The following GRK3 variants were observed in gnomAD, a reference collection of about 807,000 sequenced individuals.
The protein encoded by GRK3 is adrenergic, beta, receptor kinase 2.
GRK3 carries 54 observed loss-of-function variants against 95.7 expected under a neutral mutation model. The observed-to-expected ratio is 0.56, with a 90% CI of 0.45 to 0.71. GRK3 has a LOEUF of 0.71. Ranked by LOEUF, GRK3 falls within the 30% of genes least tolerant of loss-of-function variation. The pLI is 0.00. For synonymous variants in GRK3, 281 were observed against 290.8 expected (o/e 0.97, Z 0.34); for missense variants, 649 against 851.2 (o/e 0.76, Z 2.96).
chr22:25,572,739 A>G (rs1254886552), intron 1 of GRK3, among the ~76,000 whole-genome samples: 1 of 152,216 alleles, frequency 6.6e-6, no homozygotes, highest in East Asian at 1.9e-4. Flanking sequence ...GAGTTGACTC[A>G]TTCTTTAGAG....
At chr22:25,613,953 C>T (rs2092184) in intron 2 of GRK3, among the ~76,000 whole-genome samples, 99 of 149,550 alleles carry the variant, frequency 6.6e-4, no homozygotes, top group African/African-American at 2.3e-3. Context: ...GGTTTTCCTT[C>T]TTAAAATTAT....
chr22:25,688,028 A>G (rs1217356778), intron 11 of GRK3, among the ~76,000 whole-genome samples: 1 of 152,158 alleles, frequency 6.6e-6, no homozygotes, highest in Admixed American at 6.5e-5. Flanking sequence ...CAAGGTCAGG[A>G]GATCAAGGCC....
intron 13 of GRK3, among the ~76,000 whole-genome samples, chr22:25,700,612 G>A (rs998414251): frequency 2.0e-5 from 3 of 152,098 alleles, no homozygotes; most frequent in South Asian, 2.1e-4. Context: ...ATTTGAGACG[G>A]CGTCTCGCTC....
chr22:25,587,522 A>G, intron 1 of GRK3, among the ~76,000 whole-genome samples: 1 of 152,064 alleles, frequency 6.6e-6, no homozygotes, highest in Non-Finnish European at 1.5e-5. Flanking sequence ...TCTGCCTCCC[A>G]GGCTTAAGCA....
In GRK3 at chr22:25,669,812, T is replaced by G. The variant is rs562573854; in HGVS notation, c.503+2012T>G. ...TTGTTTGTTAACCCTCCTCAGCTAG[T>G]TGTAAAATGTGTCAGATTTCCATCC... On this transcript the variant is annotated intron_variant, in intron 6 of 20. Transcript: ENST00000324198. 5.3e-5 allele frequency among the ~76,000 whole-genome samples: 8 copies of G among 152,316 alleles called. No individual in the cohort carries two copies. In the South Asian group the frequency reaches 1.0e-3, roughly 20 times the overall value.
chr22:25,714,254 G>T (rs1439377125), intron 17 of GRK3, among the ~76,000 whole-genome samples, 154 bp from the exon 18 acceptor site: 1 of 152,198 alleles, frequency 6.6e-6, no homozygotes, highest in Non-Finnish European at 1.5e-5. Flanking sequence ...AGAGATTTAT[G>T]ATAACTAAGA....
At chr22:25,615,778 G>A (rs929244243) in intron 2 of GRK3, among the ~76,000 whole-genome samples, 1 of 146,468 alleles carries the variant, frequency 6.8e-6, no homozygotes, top group African/African-American at 2.6e-5. Context: ...GAAGAGCTGC[G>A]AAGAGAGGCA....
intron 15 of GRK3, among the ~76,000 whole-genome samples, chr22:25,708,205 C>T (rs540477776): frequency 6.6e-6 from 1 of 152,234 alleles, no homozygotes; most frequent in Admixed American, 6.5e-5. Context: ...CGAGATGGCG[C>T]CACTGCACTC....
At chr22:25,573,258 A>T (rs184403749) in intron 1 of GRK3, among the ~76,000 whole-genome samples, 260 of 152,362 alleles carry the variant, frequency 1.7e-3, no homozygotes, top group South Asian at 5.6e-3. Flanking sequence ...AAATTTATGA[A>T]GACCAAAAAG....
intron 3 of GRK3, among the ~76,000 whole-genome samples, chr22:25,645,451 C>G (rs1208842057): frequency 1.3e-5 from 2 of 152,184 alleles, no homozygotes; most frequent in East Asian, 1.9e-4. Flanking sequence ...AAAAATAACA[C>G]TAGAGGAGCC....
intron 1 of GRK3, among the ~76,000 whole-genome samples, chr22:25,569,656 C>T (rs536312399): frequency 6.6e-6 from 1 of 152,184 alleles, no homozygotes; most frequent in African/African-American, 2.4e-5. Flanking sequence ...GGCTGGCCAG[C>T]AAAGCAGTGA....
At chr22:25,621,490 G>C (rs1041562739) in intron 2 of GRK3, among the ~76,000 whole-genome samples, 10 of 151,608 alleles carry the variant, frequency 6.6e-5, no homozygotes, top group African/African-American at 2.2e-4. Context: ...CTAAAATGTA[G>C]GCAAAAAGCT....
At chr22:25,648,412 G>C in intron 3 of GRK3, 1 of 1,281,402 alleles carries the variant, frequency 7.8e-7, no homozygotes, top group Non-Finnish European at 1.1e-6. Context: ...AAAGATGCTT[G>C]GGAAATCCCT....
chr22:25,652,912 A>G (rs952980320), intron 3 of GRK3, among the ~76,000 whole-genome samples: 11 of 152,188 alleles, frequency 7.2e-5, no homozygotes, highest in African/African-American at 2.7e-4. Flanking sequence ...TTTGAATCCT[A>G]GGAGCAATAG....
intron 6 of GRK3, among the ~76,000 whole-genome samples, chr22:25,670,400 C>T (rs1336178140): frequency 6.6e-6 from 1 of 151,904 alleles, no homozygotes; most frequent in African/African-American, 2.4e-5. Context: ...ACTTGGGGGG[C>T]TGAGGTGGGA....
At chr22:25,718,421 C>T (rs757606589) in intron 19 of GRK3, 40 bp downstream of exon 19, 25 of 1,602,846 alleles carry the variant, frequency 1.6e-5, no homozygotes, top group Middle Eastern at 1.7e-4. Flanking sequence ...TTTCCCAGTA[C>T]GTACAATGGC....
chr22:25,690,861 G>A (rs2085159856), intron 12 of GRK3, among the ~76,000 whole-genome samples: 1 of 151,672 alleles, frequency 6.6e-6, no homozygotes, highest in Non-Finnish European at 1.5e-5. Flanking sequence ...TTCACTGCAG[G>A]CCATATTGTT....
At chr22:25,694,337 A>G (rs1402325937) in intron 12 of GRK3, among the ~76,000 whole-genome samples, 2 of 152,222 alleles carry the variant, frequency 1.3e-5, no homozygotes, top group Non-Finnish European at 2.9e-5. Flanking sequence ...GCTGCCTCGC[A>G]TGCTTCCTGC....
chr22:25,722,153 A>T, intron 20 of GRK3, 136 bp from the exon 21 acceptor site: 1 of 908,460 alleles, frequency 1.1e-6, no homozygotes, highest in Non-Finnish European at 1.7e-6. Context: ...ATCAGCTAGT[A>T]ATGCCACTGG....
Sources: allele counts gnomAD v4.1 joint callset (sites outside exome capture counted in the v4.1 genomes callset), GRCh38; gene constraint gnomAD v4.1.1; transcripts MANE v1.5; gene names NCBI Gene and HGNC (gene_info 2026-07-23, HGNC 2026-07-21).